Variants in NIN observed in about 807,000 individuals in gnomAD.
NIN encodes glycogen synthase kinase 3 beta-interacting protein.
In NIN, 137 loss-of-function variants were observed where a neutral mutation model predicts 257.6. That is an observed-to-expected ratio of 0.53 (90% CI 0.46 to 0.61). The LOEUF is 0.61. Ranked by LOEUF, NIN falls within the 20% of genes least tolerant of loss-of-function variation. NIN has a pLI of 0.00. For synonymous variants in NIN, 918 were observed against 919.8 expected (o/e 1.00, Z 0.04); for missense variants, 2,439 against 2,501.2 (o/e 0.98, Z 0.53).
intron 7 of NIN, 52 bp from the exon 8 acceptor site, chr14:50,773,147 C>A: frequency 6.9e-7 from 1 of 1,451,272 alleles, no homozygotes; most frequent in South Asian, 1.2e-5. Context: ...TATACAAGGC[C>A]CAAAGTATAC....
chr14:50,736,522 C>T (rs1488892036), intron 27 of NIN, among the ~76,000 whole-genome samples: 2 of 152,144 alleles, frequency 1.3e-5, no homozygotes, highest in Non-Finnish European at 2.9e-5. Context: ...AAACATACAA[C>T]ACTATCTTAG....
chr14:50,794,472 T>G, intron 4 of NIN: 2 of 999,606 alleles, frequency 2.0e-6, no homozygotes, highest in Non-Finnish European at 2.4e-6. Context: ...TTGTGACCAT[T>G]CAGGAGCGGC....
chr14:50,728,357 T>C (rs757139216), intron 29 of NIN, among the ~76,000 whole-genome samples: 48 of 152,200 alleles, frequency 3.2e-4, no homozygotes, highest in African/African-American at 5.1e-4. Context: ...CAAAAACAGA[T>C]TTTAAAGCTC....
chr14:50,760,354 G>T lies in NIN; in HGVS notation c.1902C>A (p.Arg634=). ...TTTCGTCCAGCTGCTTTTCATAATGGCGCACCTGAAGGCACAGAGTGACAC... is the reference window on the plus strand; with the variant it reads ...TTTCGTCCAGCTGCTTTTCATAATGTCGCACCTGAAGGCACAGAGTGACAC... ...CLRLELEDKV[R]HYEKQLDETV... is the part of the protein sequence containing the mutation. The change falls in exon 17 of 31, where the codon CGC becomes CGA. Residue 634 remains arginine (R), a synonymous_variant. Coordinates refer to ENST00000530997, the MANE Select transcript of NIN (RefSeq NM_020921.4). 6.2e-7 allele frequency: 1 copy of T among 1,602,156 alleles called. No homozygotes were observed.
chr14:50,741,522 C>A (rs1838073277), intron 25 of NIN, 60 bp downstream of exon 25: 16 of 1,111,654 alleles, frequency 1.4e-5, no homozygotes, highest in Non-Finnish European at 2.1e-5. Flanking sequence ...CCAAGTTGTC[C>A]TAAGATTTGT....
chr14:50,778,270 C>T (rs939561605), intron 6 of NIN, among the ~76,000 whole-genome samples: 3 of 152,194 alleles, frequency 2.0e-5, no homozygotes, highest in Non-Finnish European at 4.4e-5. Flanking sequence ...CTCCAACTCT[C>T]GGGCTTAATG....
At chr14:50,733,586 G>C (rs2040826611) in intron 28 of NIN, among the ~76,000 whole-genome samples, 1 of 152,166 alleles carries the variant, frequency 6.6e-6, no homozygotes, top group Non-Finnish European at 1.5e-5. Context: ...AATTGCTTAC[G>C]ATGGCTAATA....
chr14:50,740,542 G>A (rs1400720485), intron 25 of NIN, among the ~76,000 whole-genome samples: 5 of 152,034 alleles, frequency 3.3e-5, no homozygotes, highest in Non-Finnish European at 7.4e-5. Flanking sequence ...TAGAGATGGG[G>A]TTTCAACATG....
chr14:50,776,911 C>A, intron 7 of NIN, 38 bp downstream of exon 7: 2 of 1,559,902 alleles, frequency 1.3e-6, no homozygotes, highest in South Asian at 1.2e-5. Flanking sequence ...TACACTTTTA[C>A]CATCATTATC....
intron 16 of NIN, among the ~76,000 whole-genome samples, chr14:50,761,143 A>T (rs756816404): frequency 1.3e-5 from 2 of 152,204 alleles, no homozygotes; most frequent in Non-Finnish European, 2.9e-5. Context: ...AAGGTATACA[A>T]AAAAGAGCTA....
chr14:50,818,348 A>G lies in NIN; in HGVS notation c.183+3526T>C, dbSNP rs906693809. Among the ~76,000 whole-genome samples the G allele has an allele frequency of 5.3e-5, 8 of 150,900 alleles. No homozygotes were observed. The South Asian group carries it at 6.3e-4, about 12-fold the overall frequency. On this transcript the variant is annotated intron_variant, in intron 3 of 30. Coordinates refer to ENST00000530997, the MANE Select transcript of NIN (RefSeq NM_020921.4). ...AAAAAAAAAAAAAAAAACACTGGAT[A>G]TAACTAAATGTTTCAACAAAACCAA...
intron 5 of NIN, among the ~76,000 whole-genome samples, chr14:50,782,031 A>C (rs1488366649): frequency 1.3e-5 from 2 of 151,982 alleles, no homozygotes; most frequent in African/African-American, 4.8e-5. Context: ...AAAACAAAAA[A>C]ACATGGGGGA....
At chr14:50,745,934 TGGGATCCAAA>T (rs2041515986) in intron 22 of NIN, among the ~76,000 whole-genome samples, 1 of 152,014 alleles carries the variant, frequency 6.6e-6, no homozygotes, top group Non-Finnish European at 1.5e-5. Flanking sequence ...ACCCTATTCT[TGGGATCCAAA>T]AGGATCCAGG....
chr14:50,815,306 T>C (rs1356314874), intron 3 of NIN, among the ~76,000 whole-genome samples: 1 of 152,172 alleles, frequency 6.6e-6, no homozygotes, highest in Admixed American at 6.5e-5. Flanking sequence ...ACATCACTGA[T>C]CATTAGAGAA....
chr14:50,792,591 T>C (rs2043645468), intron 5 of NIN, 121 bp downstream of exon 5: 4 of 963,774 alleles, frequency 4.2e-6, no homozygotes, highest in South Asian at 1.6e-5. Context: ...TAGCAAGGAG[T>C]TGGTAACTGA....
At chr14:50,746,972 TCATCTCA>T (rs2041574630) in intron 22 of NIN, among the ~76,000 whole-genome samples, 1 of 152,136 alleles carries the variant, frequency 6.6e-6, no homozygotes, top group Admixed American at 6.6e-5. Flanking sequence ...GGTGATCCAC[TCATCTCA>T]GCCTCCTGAG....
chr14:50,725,648 A>G (rs1357070057), intron 30 of NIN, among the ~76,000 whole-genome samples: 1 of 152,014 alleles, frequency 6.6e-6, no homozygotes, highest in African/African-American at 2.4e-5. Context: ...CTTTAGGTCT[A>G]TGTGAATCAA....
At position 50,806,813 on chromosome 14, in the gene NIN, A is replaced by G. The variant is rs2044350115; in HGVS notation, c.189T>C (p.His63=). The part of the protein sequence containing the change: ...LLQDNLLGRV[H]FDQFKEALIL... The stretch of plus-strand genomic sequence containing the variant: ...TTAATGCTTCTTTAAATTGGTCAAA[A>G]TGTACCTAAAAAAAATTAAAAATAG... Residue 63 remains histidine, a synonymous_variant, in exon 4 of 31, where the codon CAT becomes CAC. Coordinates refer to ENST00000530997, the MANE Select transcript of NIN (RefSeq NM_020921.4). The G allele has an allele frequency of 1.4e-6, 2 of 1,473,040 alleles. No homozygotes were observed. The highest frequency in any genetic ancestry group is 1.8e-5 in the Admixed American group (1 of 56,918). 91.2% of individuals were successfully genotyped at this position (1,473,040 alleles called of 1,614,324 possible).
In NIN at chr14:50,757,446, T is replaced by C; in HGVS notation, c.3584A>G (p.Glu1195Gly). 1 of 1,614,162 alleles carries C rather than the reference T, an allele frequency of 6.2e-7. No homozygotes were observed. The highest frequency in any genetic ancestry group is 8.5e-7 in the Non-Finnish European group (1 of 1,180,018). The change falls in exon 18 of 31, where the codon GAG (glutamate) becomes GGG (glycine). Residue 1195 changes from glutamate (E) to glycine (G), a missense_variant. Coordinates refer to ENST00000530997, the MANE Select transcript of NIN (RefSeq NM_020921.4). ...AAGCTGACTAATCTGATTCTTCAGC[T>C]CCCAGGATTCAGTCCTGGTCTCTTC... ...NSEETRTESW[E>G]LKNQISQLQE...
Sources: gnomAD v4.1 joint callset for allele counts (sites outside exome capture counted in the v4.1 genomes callset) on GRCh38, gnomAD v4.1.1 for gene constraint, MANE v1.5 for transcripts, NCBI Gene and HGNC (gene_info 2026-07-23, HGNC 2026-07-21) for gene names.